PPARGC1B: variants seen among roughly 807,000 people sequenced by gnomAD.
PPARGC1B encodes peroxisome proliferator-activated receptor gamma coactivator 1-beta.
Under a neutral mutation model 101.6 loss-of-function variants are expected in PPARGC1B, and 34 were observed. That is an observed-to-expected ratio of 0.33 (90% CI 0.25 to 0.45). The LOEUF is 0.45. Among genes scored for constraint, PPARGC1B ranks in the 20% least tolerant of loss-of-function variants. The probability of loss-of-function intolerance (pLI) is 1.00; values close to 1 mark genes in which losing one functional copy is unlikely to be tolerated. For synonymous variants in PPARGC1B, 548 were observed against 539.3 expected (o/e 1.02, Z -0.22); for missense variants, 1,234 against 1,317.6 (o/e 0.94, Z 0.98).
intron 1 of PPARGC1B, among the ~76,000 whole-genome samples, chr5:149,805,162 T>G (rs1757554958): frequency 1.3e-5 from 2 of 152,178 alleles, no homozygotes; most frequent in African/African-American, 4.8e-5. Context: ...TCCCCATTCT[T>G]TCAAAGTCAC....
chr5:149,751,534 C>T (rs56369113), intron 1 of PPARGC1B, among the ~76,000 whole-genome samples: 34,231 of 151,696 alleles, frequency 0.23, 4,182 homozygotes, highest in Admixed American at 0.35. Context: ...GGTGAAACCC[C>T]GTCTCTACTA....
chr5:149,805,495 A>C (rs1757566056), intron 1 of PPARGC1B, among the ~76,000 whole-genome samples: 1 of 152,200 alleles, frequency 6.6e-6, no homozygotes, highest in Non-Finnish European at 1.5e-5. Flanking sequence ...GCTGGAGTGC[A>C]GTGGCATGAT....
rs769376529 is a variant in PPARGC1B, at chr5:149,836,935, T to C, written c.2480T>C (p.Val827Ala). 2.9e-5 allele frequency: 46 copies of C among 1,612,446 alleles called. No homozygotes were observed. Among genetic ancestry groups the C allele is most frequent in the Non-Finnish European group, 3.8e-5 (45 of 1,179,658 alleles). The stretch of plus-strand genomic sequence containing the variant: ...GACGATGAAGAAGAGGACTCAGGGG[T>C]CAGCCCCACTTGCTCTGACCACTGC... ...EEDDEEEDSGVSPTCSDHCPY... is the reference protein window; with the variant it reads ...EEDDEEEDSGASPTCSDHCPY... The change falls in exon 8 of 12, where the codon GTC becomes GCC. Residue 827 changes from valine (V) to alanine (A), a missense_variant. Coordinates refer to ENST00000309241, the MANE Select transcript of PPARGC1B (RefSeq NM_133263.4).
intron 1 of PPARGC1B, chr5:149,772,199 C>T (rs1236895161): frequency 3.1e-6 from 5 of 1,601,988 alleles, no homozygotes; most frequent in Non-Finnish European, 4.3e-6. Flanking sequence ...TTTCTGTGAG[C>T]TTGTTGGGTT....
At position 149,730,909 on chromosome 5, in the gene PPARGC1B, C is replaced by G. The variant is rs979521869; in HGVS notation, c.78+489C>G. ...TCCCCAGAGTGCTGTTGCTGGCCCC[C>G]CGCGGCTTTCTACCCGCGCCCGCAG... On this transcript the variant is annotated intron_variant, in intron 1 of 11. Transcript: ENST00000309241. This position sits in a 1 kb window ranked among gnomAD's most constrained non-coding sequence, Gnocchi z 4.0. Among the ~76,000 whole-genome samples the G allele has an allele frequency of 3.3e-5, 5 of 152,244 alleles. No individual in the cohort carries two copies. Among genetic ancestry groups the G allele is most frequent in the East Asian group, 1.9e-4 (1 of 5,180 alleles).
intron 1 of PPARGC1B, among the ~76,000 whole-genome samples, chr5:149,746,608 A>G (rs903362379): frequency 3.4e-4 from 51 of 152,226 alleles, no homozygotes; most frequent in African/African-American, 1.2e-3. Flanking sequence ...CCATTTGGGT[A>G]TATGCCCAGA....
intron 1 of PPARGC1B, among the ~76,000 whole-genome samples, chr5:149,761,792 A>G (rs566987706): frequency 1.3e-5 from 2 of 152,304 alleles, no homozygotes; most frequent in East Asian, 3.9e-4. Context: ...TATTAACTTG[A>G]CAGGCAATAG....
At chr5:149,826,564 G>A (rs1403421459) in intron 2 of PPARGC1B, 109 bp from the exon 3 acceptor site, 7 of 840,576 alleles carry the variant, frequency 8.3e-6, no homozygotes, top group Non-Finnish European at 1.2e-5. Context: ...GGGTGTTGGT[G>A]GGCCAGCTGG....
chr5:149,800,377 A>T (rs973056673), intron 1 of PPARGC1B, among the ~76,000 whole-genome samples: 27 of 152,128 alleles, frequency 1.8e-4, no homozygotes, highest in African/African-American at 6.3e-4. Flanking sequence ...ATCACCAAGA[A>T]CTCAGAGATG....
At position 149,730,973 on chromosome 5, in the gene PPARGC1B, G is replaced by A. The variant is rs1754439398; in HGVS notation, c.78+553G>A. On this transcript the variant is annotated intron_variant, in intron 1 of 11. Coordinates refer to ENST00000309241, the MANE Select transcript of PPARGC1B (RefSeq NM_133263.4). This position sits in a 1 kb window ranked among gnomAD's most constrained non-coding sequence, Gnocchi z 4.0. ...GCCAGTTGCCGGCTAAAGGCATAAG[G>A]GTCTGCGGGGCACGTGGACATGCGG... is the stretch of plus-strand genomic sequence containing the variant. 6.6e-6 allele frequency among the ~76,000 whole-genome samples: 1 copy of A among 152,230 alleles called. No homozygotes were observed. The highest frequency in any genetic ancestry group is 6.5e-5 in the Admixed American group (1 of 15,294).
downstream of PPARGC1B, chr5:149,857,925 A>G (rs1488622695): frequency 6.6e-6 from 1 of 152,256 alleles, no homozygotes; most frequent in East Asian, 1.9e-4. Flanking sequence ...TAGTTTCTGC[A>G]TAACATTCAG....
At chr5:149,847,115 C>T (rs930466083) in intron 11 of PPARGC1B, 5 of 401,616 alleles carry the variant, frequency 1.2e-5, no homozygotes, top group Non-Finnish European at 2.3e-5. Context: ...GTTGTTAGCC[C>T]TCCCTTATGT....
At chr5:149,791,339 C>T (rs1757012182) in intron 1 of PPARGC1B, among the ~76,000 whole-genome samples, 1 of 151,858 alleles carries the variant, frequency 6.6e-6, no homozygotes, top group South Asian at 2.1e-4. Context: ...TATTAGGTTT[C>T]TCCTTGTCTT....
intron 2 of PPARGC1B, among the ~76,000 whole-genome samples, chr5:149,823,020 G>T (rs1043156235): frequency 1.3e-5 from 2 of 152,212 alleles, no homozygotes; most frequent in African/African-American, 2.4e-5. Flanking sequence ...ACAAGCTACA[G>T]TTGCAAGGGT....
chr5:149,739,807 C>T (rs918905442), intron 1 of PPARGC1B, among the ~76,000 whole-genome samples: 1 of 152,160 alleles, frequency 6.6e-6, no homozygotes, highest in Non-Finnish European at 1.5e-5. Context: ...CAGCTGACCA[C>T]GAGTTCTCTC....
At chr5:149,745,604 G>A (rs1429036436) in intron 1 of PPARGC1B, among the ~76,000 whole-genome samples, 4 of 152,134 alleles carry the variant, frequency 2.6e-5, no homozygotes, top group Non-Finnish European at 2.9e-5. Context: ...GAATGACCAG[G>A]GAACAGATCG....
intron 3 of PPARGC1B, among the ~76,000 whole-genome samples, chr5:149,829,844 T>C (rs1561601647): frequency 6.6e-6 from 1 of 151,904 alleles, no homozygotes; most frequent in East Asian, 1.9e-4. Flanking sequence ...GAGACCAGCC[T>C]GGCCAACATG....
At chr5:149,739,418 T>C (rs1754835098) in intron 1 of PPARGC1B, among the ~76,000 whole-genome samples, 1 of 152,206 alleles carries the variant, frequency 6.6e-6, no homozygotes, top group South Asian at 2.1e-4. Flanking sequence ...TTGAAGCTAG[T>C]GAGCGGCTTA....
In PPARGC1B at chr5:149,826,822, AC is replaced by A; in HGVS notation, c.408del (p.Ser137AlafsTer69). 6.2e-7 allele frequency: 1 copy of A among 1,613,276 alleles called. No individual in the cohort carries two copies. The highest frequency in any genetic ancestry group is 8.5e-7 in the Non-Finnish European group (1 of 1,179,698). The stretch of plus-strand genomic sequence containing the variant: ...CAGCTTCGCCTGCCCCCTCATCTGC[AC>A]CCCCCAGCCCTGCCCCGGAGAAGCC... ...TSASPAPSSAPPSPAPEKPSA... is the reference protein window; with the variant it reads ...TSASPAPSSAXPSPAPEKPSA... On this transcript the variant is annotated frameshift_variant, in exon 3 of 12. Transcript: ENST00000309241. LOFTEE classifies it high-confidence loss of function.
Sources: gnomAD v4.1 joint callset for allele counts (sites outside exome capture counted in the v4.1 genomes callset) on GRCh38, gnomAD v4.1.1 for gene constraint, Gnocchi (gnomAD v3.1) non-coding constraint, MANE v1.5 for transcripts, NCBI Gene and HGNC (gene_info 2026-07-23, HGNC 2026-07-21) for gene names.